The following PAK5 variants were observed in gnomAD, a reference collection of about 807,000 sequenced individuals.
PAK5 encodes serine/threonine-protein kinase PAK 5.
Under a neutral mutation model 65.9 loss-of-function variants are expected in PAK5, and 16 were observed. The ratio of observed to expected loss-of-function variants is 0.24; its 90% CI spans 0.16 to 0.37. The LOEUF is 0.37. PAK5 is among the 10% of genes least tolerant of loss of function. The pLI, the probability that PAK5 is intolerant of heterozygous loss-of-function variation, is 1.00. For synonymous variants in PAK5, 371 were observed against 354.9 expected (o/e 1.05, Z -0.51); for missense variants, 785 against 903.9 (o/e 0.87, Z 1.69).
intron 1 of PAK5, among the ~76,000 whole-genome samples, chr20:9,832,247 A>C (rs988217019): frequency 6.6e-6 from 1 of 152,134 alleles, no homozygotes; most frequent in African/African-American, 2.4e-5. Context: ...TGTGTCAAAT[A>C]ATTTAAACTT....
At chr20:9,685,196 CA>C (rs1375367658) in intron 2 of PAK5, among the ~76,000 whole-genome samples, 1 of 152,196 alleles carries the variant, frequency 6.6e-6, no homozygotes, top group Non-Finnish European at 1.5e-5. Flanking sequence ...TATGTCACTT[CA>C]ATTTTTGCTG....
chr20:9,677,293 G>A (rs1471802990), intron 2 of PAK5, among the ~76,000 whole-genome samples: 2 of 152,100 alleles, frequency 1.3e-5, no homozygotes, highest in African/African-American at 4.8e-5. Flanking sequence ...TTCAGACCCC[G>A]GCTTCTGCAC....
chr20:9,805,697 GAC>G (rs2049223339), intron 1 of PAK5, among the ~76,000 whole-genome samples: 1 of 152,100 alleles, frequency 6.6e-6, no homozygotes, highest in Admixed American at 6.6e-5. Context: ...AATCCATGGA[GAC>G]ACAAAGAAGA....
intron 1 of PAK5, among the ~76,000 whole-genome samples, chr20:9,802,352 A>C (rs765206881): frequency 6.6e-6 from 1 of 152,156 alleles, no homozygotes; most frequent in Non-Finnish European, 1.5e-5. Context: ...AAGAAGAGAC[A>C]GTGACGGCAA....
chr20:9,711,811 A>T (rs1006972743), intron 1 of PAK5, among the ~76,000 whole-genome samples: 1 of 152,192 alleles, frequency 6.6e-6, no homozygotes, highest in African/African-American at 2.4e-5. Flanking sequence ...AATACAGTCA[A>T]TTCTTGATAT....
At chr20:9,739,295 T>C (rs1569067028) in intron 1 of PAK5, among the ~76,000 whole-genome samples, 1 of 151,758 alleles carries the variant, frequency 6.6e-6, no homozygotes, top group Non-Finnish European at 1.5e-5. Context: ...TCTACTTGGC[T>C]AGAGCTATAG....
chr20:9,787,378 G>A (rs2049003374), intron 1 of PAK5, among the ~76,000 whole-genome samples: 1 of 152,180 alleles, frequency 6.6e-6, no homozygotes, highest in African/African-American at 2.4e-5. Flanking sequence ...TGCCTGGAGT[G>A]CTTGTCTAGA....
At chr20:9,812,533 ATAGAGT>A (rs779876287) in intron 1 of PAK5, among the ~76,000 whole-genome samples, 1 of 152,204 alleles carries the variant, frequency 6.6e-6, no homozygotes, top group Non-Finnish European at 1.5e-5. Context: ...ATAGTCTCCT[ATAGAGT>A]TAAACATGTA....
At chr20:9,632,507 G>A (rs150806504) in intron 3 of PAK5, among the ~76,000 whole-genome samples, 81 of 152,290 alleles carry the variant, frequency 5.3e-4, no homozygotes, top group Non-Finnish European at 8.8e-4. Context: ...ACTCTGCAAA[G>A]GGCTCTGAGT....
At chr20:9,703,567 G>A (rs2206471) in intron 2 of PAK5, among the ~76,000 whole-genome samples, 3,224 of 152,196 alleles carry the variant, frequency 0.021, 125 homozygotes, top group African/African-American at 0.074. Context: ...TACATAAACT[G>A]TATGCTTTTT....
intron 3 of PAK5, among the ~76,000 whole-genome samples, chr20:9,593,164 C>T (rs1160681010): frequency 3.3e-5 from 5 of 151,718 alleles, no homozygotes; most frequent in African/African-American, 1.2e-4. Flanking sequence ...AATAGCTGGG[C>T]ATGGTGGCAA....
chr20:9,650,869 C>G (rs1300533275), intron 2 of PAK5, among the ~76,000 whole-genome samples: 1 of 152,082 alleles, frequency 6.6e-6, no homozygotes, highest in Admixed American at 6.6e-5. Flanking sequence ...CATATGGAGA[C>G]CCCCGTTTCT....
intron 1 of PAK5, among the ~76,000 whole-genome samples, chr20:9,812,597 A>T (rs747220989): frequency 1.3e-5 from 2 of 152,176 alleles, no homozygotes; most frequent in African/African-American, 2.4e-5. Context: ...CACCCAAGGG[A>T]AGTAGAGGGA....
At chr20:9,744,249 C>T (rs141703611) in intron 1 of PAK5, among the ~76,000 whole-genome samples, 240 of 152,308 alleles carry the variant, frequency 1.6e-3, no homozygotes, top group Non-Finnish European at 2.4e-3. Flanking sequence ...TAATTGGTTA[C>T]AGTGGTCACA....
At chr20:9,795,061 C>T (rs2123724132) in intron 1 of PAK5, among the ~76,000 whole-genome samples, 1 of 152,148 alleles carries the variant, frequency 6.6e-6, no homozygotes, top group South Asian at 2.1e-4. Flanking sequence ...TAAATACCCT[C>T]AGGCATATGT....
intron 1 of PAK5, among the ~76,000 whole-genome samples, chr20:9,735,036 G>A (rs564634265): frequency 2.6e-5 from 4 of 152,322 alleles, no homozygotes; most frequent in Admixed American, 2.6e-4. Context: ...TACTAGCTAT[G>A]TGCTTTAAAG....
chr20:9,630,007 C>T (rs183871330), intron 3 of PAK5, among the ~76,000 whole-genome samples: 2 of 152,106 alleles, frequency 1.3e-5, no homozygotes, highest in African/African-American at 4.8e-5. Context: ...AATAGTCTCC[C>T]GAGGTCGTGT....
chr20:9,665,655 T>C (rs1032388287), intron 2 of PAK5, among the ~76,000 whole-genome samples: 2 of 142,660 alleles, frequency 1.4e-5, no homozygotes, highest in Non-Finnish European at 3.2e-5. Context: ...AATATTTCTT[T>C]TCTTTTCTTT....
At position 9,671,686 on chromosome 20, in the gene PAK5, G is replaced by T. The variant is rs558300036; in HGVS notation, c.-11-27347C>A. 4.1e-5 allele frequency among the ~76,000 whole-genome samples: 6 copies of T among 147,036 alleles called. No individual in the cohort carries two copies. The East Asian group carries it at 9.9e-4, about 24-fold the overall frequency. On this transcript the variant is annotated intron_variant, in intron 2 of 9. Coordinates refer to ENST00000353224, the MANE Select transcript of PAK5 (RefSeq NM_177990.4). ...AAGGAGATTTTGGGCTGAGACAATGGGGTTTTCTAGATATACAATCATGTC... is the reference window on the plus strand; with the variant it reads ...AAGGAGATTTTGGGCTGAGACAATGTGGTTTTCTAGATATACAATCATGTC...
Sources: allele counts gnomAD v4.1 joint callset (sites outside exome capture counted in the v4.1 genomes callset), GRCh38; gene constraint gnomAD v4.1.1; transcripts MANE v1.5; gene names NCBI Gene and HGNC (gene_info 2026-07-23, HGNC 2026-07-21).